Variants in NLRP5 observed in about 807,000 individuals in gnomAD.
NLRP5 encodes NACHT, LRR and PYD domains-containing protein 5.
A neutral mutation model predicts 113.1 loss-of-function variants in NLRP5; 93 were observed. That is an observed-to-expected ratio of 0.82 (90% CI 0.70 to 0.98). The LOEUF (loss-of-function observed/expected upper bound fraction) is 0.98. Ranked by LOEUF, NLRP5 falls within the 50% of genes least tolerant of loss-of-function variation. The probability of loss-of-function intolerance (pLI) is 0.00; values close to 1 mark genes in which losing one functional copy is unlikely to be tolerated. For synonymous variants in NLRP5, 751 were observed against 600.7 expected (o/e 1.25, Z -3.66); for missense variants, 1,808 against 1,514.3 (o/e 1.19, Z -3.22).
intron 7 of NLRP5, among the ~76,000 whole-genome samples, chr19:56,031,867 G>A (rs1431847235): frequency 6.6e-6 from 1 of 152,194 alleles, no homozygotes; most frequent in Non-Finnish European, 1.5e-5. Context: ...ATGCCACAGT[G>A]AGCGTGGGAG....
chr19:55,989,683 C>T, the NLRP5 span, among the ~76,000 whole-genome samples: 1 of 152,172 alleles, frequency 6.6e-6, no homozygotes, highest in Non-Finnish European at 1.5e-5. Flanking sequence ...ACGTGTATGG[C>T]ATTAAGAGCC....
chr19:56,058,195 A>C (rs367951308), intron 13 of NLRP5, 45 bp from the exon 14 acceptor site: 2 of 1,473,516 alleles, frequency 1.4e-6, no homozygotes, highest in Non-Finnish European at 1.9e-6. Context: ...TGAAGGGTCC[A>C]TCATCGATCT....
At position 56,026,817 on chromosome 19, in the gene NLRP5, A is replaced by T. The variant is rs1196199130; in HGVS notation, c.680-96A>T. 2.5e-5 allele frequency: 32 copies of T among 1,266,996 alleles called. No homozygotes were observed. The Admixed American group carries it at 4.7e-4, about 18-fold the overall frequency. The allele number at this position is 1,266,996 out of a possible 1,614,324, so 78.5% of individuals were successfully genotyped here. A position where few individuals can be genotyped will look rare whatever the true frequency, so the allele number is the denominator to read the frequency against. ...TCTCAAACTCCTGACCTCAGGTGAT[A>T]TGCCCATCTTGACCTCCCACAGTGC... On this transcript the variant is annotated intron_variant, in intron 6 of 14. Transcript: ENST00000390649.
Position 56,027,593 on chromosome 19 carries a change from G to C in NLRP5, c.1360G>C (p.Gly454Arg), listed in dbSNP as rs756700255. Residue 454 changes from glycine (G) to arginine (R), a missense_variant, in exon 7 of 15, where the codon GGG becomes CGG. Gly to Arg is a moderately radical substitution (Grantham distance 125, BLOSUM62 -2). Coordinates refer to ENST00000390649, the MANE Select transcript of NLRP5 (RefSeq NM_153447.4). ...GATTGGTGAGCATCAGAAGACACAA[G>C]GGTTGCGTGCGATCATGAACAACCG... 6.2e-7 allele frequency: 1 copy of C among 1,613,928 alleles called. No individual in the cohort carries two copies. Among genetic ancestry groups the C allele is most frequent in the Admixed American group, 1.7e-5 (1 of 60,026 alleles).
At chr19:56,056,887 C>T (rs1056853671) in intron 13 of NLRP5, among the ~76,000 whole-genome samples, 2 of 152,160 alleles carry the variant, frequency 1.3e-5, no homozygotes, top group African/African-American at 4.8e-5. Flanking sequence ...CGCCTGTAAT[C>T]CCAGCACTTT....
chr19:55,999,900 T>C, intron 1 of NLRP5: 2 of 790,718 alleles, frequency 2.5e-6, no homozygotes, highest in South Asian at 1.4e-5. Context: ...TTATTAGCAA[T>C]CCGTTGCAGC....
intron 11 of NLRP5, among the ~76,000 whole-genome samples, chr19:56,045,924 C>G (rs557277460): frequency 5.3e-5 from 8 of 152,108 alleles, no homozygotes; most frequent in Non-Finnish European, 7.4e-5. Flanking sequence ...TCCTGTTATC[C>G]TAGACTTTCT....
intron 1 of NLRP5, among the ~76,000 whole-genome samples, chr19:56,000,611 A>G (rs952579401): frequency 2.0e-5 from 3 of 151,622 alleles, no homozygotes; most frequent in Non-Finnish European, 4.4e-5. Flanking sequence ...TGATCCGCCC[A>G]CTTTGGCCTC....
chr19:56,003,973 A>G lies in NLRP5; in HGVS notation c.320A>G (p.Glu107Gly). The stretch of plus-strand genomic sequence containing the variant: ...TTTGAAATCGAGAATGCCAACGTGG[A>G]ATGTCTGGCACTCCTCTTGCATGAG... The change falls in exon 2 of 15, where the codon GAA (glutamate) becomes GGA (glycine). Residue 107 changes from glutamate (E) to glycine (G), a missense_variant. Coordinates refer to ENST00000390649, the MANE Select transcript of NLRP5 (RefSeq NM_153447.4). The G allele has an allele frequency of 6.2e-7, 1 of 1,614,014 alleles. No individual in the cohort carries two copies. The highest frequency in any genetic ancestry group is 8.5e-7 in the Non-Finnish European group (1 of 1,179,892).
chr19:56,058,989 A>AGAG (rs1376828760), intron 14 of NLRP5, among the ~76,000 whole-genome samples: 4 of 152,122 alleles, frequency 2.6e-5, no homozygotes, highest in African/African-American at 9.7e-5. Context: ...TCTACCTCGA[A>AGAG]GAGGTACTTA....
At chr19:56,014,751 T>G (rs1456679061) in intron 3 of NLRP5, among the ~76,000 whole-genome samples, 1 of 152,198 alleles carries the variant, frequency 6.6e-6, no homozygotes, top group African/African-American at 2.4e-5. Context: ...TTTTAAACTT[T>G]CCAATCTATT....
At chr19:56,057,712 C>T (rs913518479) in intron 13 of NLRP5, among the ~76,000 whole-genome samples, 3 of 152,208 alleles carry the variant, frequency 2.0e-5, no homozygotes, top group Non-Finnish European at 2.9e-5. Flanking sequence ...ACAGTAGCCT[C>T]ACCTGGGAAC....
rs1055357918 is a variant in NLRP5, at chr19:56,061,798, A to T, written c.*270A>T. Reference sequence around the variant, plus strand: ...TATAGAGGGAATTAAATAAACACAAAGCATTTGGAAAAGTTGTCAAGTGGT... The same window carrying T: ...TATAGAGGGAATTAAATAAACACAATGCATTTGGAAAAGTTGTCAAGTGGT... On this transcript the variant is annotated 3_prime_UTR_variant, in exon 15 of 15. Transcript: ENST00000390649. 6 of 317,322 alleles carry T rather than the reference A, an allele frequency of 1.9e-5. No individual in the cohort carries two copies. The highest frequency in any genetic ancestry group is 1.1e-4 in the African/African-American group (5 of 46,498). 19.7% of individuals were successfully genotyped at this position (317,322 alleles called of 1,614,324 possible).
intron 6 of NLRP5, among the ~76,000 whole-genome samples, chr19:56,024,847 C>G (rs1249473693): frequency 6.6e-6 from 1 of 152,136 alleles, no homozygotes; most frequent in Non-Finnish European, 1.5e-5. Context: ...CCCCAACCCC[C>G]AGGCCATGGA....
At chr19:56,057,119 G>T (rs1387042113) in intron 13 of NLRP5, among the ~76,000 whole-genome samples, 1 of 152,166 alleles carries the variant, frequency 6.6e-6, no homozygotes, top group African/African-American at 2.4e-5. Context: ...CTCAGCGATA[G>T]AGCAAGACTC....
At chr19:56,030,805 C>T (rs1983077318) in intron 7 of NLRP5, among the ~76,000 whole-genome samples, 1 of 145,530 alleles carries the variant, frequency 6.9e-6, no homozygotes, top group Non-Finnish European at 1.5e-5. Flanking sequence ...ACCTCCACCT[C>T]CTGGGTTCAA....
At chr19:56,032,140 T>A (rs1400460608) in intron 7 of NLRP5, among the ~76,000 whole-genome samples, 4 of 151,624 alleles carry the variant, frequency 2.6e-5, no homozygotes, top group Non-Finnish European at 2.9e-5. Flanking sequence ...AGATCAGGAG[T>A]TCGAGACCAT....
chr19:56,012,125 G>T (rs1021651047), intron 3 of NLRP5, among the ~76,000 whole-genome samples: 22 of 151,746 alleles, frequency 1.4e-4, no homozygotes, highest in Admixed American at 1.2e-3. Flanking sequence ...ACAAGGAAAG[G>T]TGTTCTTCCC....
the NLRP5 span, chr19:55,987,810 C>G: frequency 5.6e-6 from 9 of 1,611,856 alleles, no homozygotes; most frequent in Admixed American, 1.5e-4. Flanking sequence ...TTACCTCCCT[C>G]CAGCTGTATT....
Sources: allele counts gnomAD v4.1 joint callset (sites outside exome capture counted in the v4.1 genomes callset), GRCh38; gene constraint gnomAD v4.1.1; transcripts MANE v1.5; gene names NCBI Gene and HGNC (gene_info 2026-07-23, HGNC 2026-07-21).